CEP85: variants seen among roughly 807,000 people sequenced by gnomAD.
CEP85 encodes the protein centrosomal protein of 85 kDa.
A neutral mutation model predicts 93.7 loss-of-function variants in CEP85; 58 were observed. That is an observed-to-expected ratio of 0.62 (90% CI 0.50 to 0.77). The LOEUF (loss-of-function observed/expected upper bound fraction) is 0.77, where lower values mean the gene tolerates loss of function less well. CEP85 is among the 30% of genes least tolerant of loss of function. The pLI, the probability that CEP85 is intolerant of heterozygous loss-of-function variation, is 0.00. For missense variants in CEP85, 868 were observed against 922.0 expected (o/e 0.94, Z 0.76); for synonymous variants, 314 against 338.6 (o/e 0.93, Z 0.80).
intron 3 of CEP85, among the ~76,000 whole-genome samples, chr1:26,251,969 A>T (rs553648679): frequency 6.6e-6 from 1 of 152,310 alleles, no homozygotes; most frequent in South Asian, 2.1e-4. Context: ...ACGGTGGCTC[A>T]TCCCTGTAAT....
At position 26,261,900 on chromosome 1, in the gene CEP85, G is replaced by A. The variant is rs2089815868; in HGVS notation, c.1341+2098G>A. Among the ~76,000 whole-genome samples the A allele has an allele frequency of 2.6e-5, 4 of 152,164 alleles. No homozygotes were observed. The South Asian group carries it at 8.3e-4, about 32-fold the overall frequency. On this transcript the variant is annotated intron_variant, in intron 7 of 13. Transcript: ENST00000451429. ...GTTTTGCTTTTACTGGCCAGGCATG[G>A]TGGCTCACACCTGTAATCCCAGCAT...
intron 4 of CEP85, 66 bp from the exon 5 acceptor site, chr1:26,257,531 C>T: frequency 6.3e-7 from 1 of 1,584,906 alleles, no homozygotes; most frequent in South Asian, 1.1e-5. Context: ...CAGCTGATTA[C>T]TGCTCAGGTG....
intron 8 of CEP85, among the ~76,000 whole-genome samples, chr1:26,268,962 T>G (rs2089932531): frequency 6.6e-6 from 1 of 152,172 alleles, no homozygotes; most frequent in South Asian, 2.1e-4. Flanking sequence ...GTAAACAACC[T>G]TTTCCACCAG....
intron 3 of CEP85, among the ~76,000 whole-genome samples, chr1:26,248,498 ACTT>A (rs778070962): frequency 4.6e-4 from 70 of 151,790 alleles, no homozygotes; most frequent in African/African-American, 1.2e-3. Context: ...AGTTTTTTTT[ACTT>A]CTTCTTATTT....
chr1:26,261,726 T>TA (rs1193986508), intron 7 of CEP85, among the ~76,000 whole-genome samples: 101 of 59,822 alleles, frequency 1.7e-3, no homozygotes, highest in African/African-American at 3.2e-3. Context: ...GAGACTCTCT[T>TA]AAAAAAAAAA....
intron 7 of CEP85, among the ~76,000 whole-genome samples, chr1:26,262,639 T>G (rs2089829704): frequency 6.6e-6 from 1 of 152,168 alleles, no homozygotes; most frequent in Non-Finnish European, 1.5e-5. Context: ...AGTGAGCAGT[T>G]CCCTACTTCT....
intron 7 of CEP85, among the ~76,000 whole-genome samples, chr1:26,264,549 A>G (rs906259259): frequency 6.6e-6 from 1 of 152,208 alleles, no homozygotes; most frequent in Non-Finnish European, 1.5e-5. Context: ...TAAAATAAAA[A>G]GGAAGCATTT....
At chr1:26,239,868 T>C (rs2089394667) in intron 2 of CEP85, 30 bp downstream of exon 2, 4 of 1,548,830 alleles carry the variant, frequency 2.6e-6, no homozygotes. Context: ...CTGGGTTAAA[T>C]TCTGACCTTT....
intron 3 of CEP85, among the ~76,000 whole-genome samples, chr1:26,250,925 CTTTTTTCTTTTTTTT>C (rs1480425867): frequency 2.0e-4 from 11 of 55,134 alleles, no homozygotes; most frequent in South Asian, 1.6e-3. Context: ...TTTTTTTTTT[CTTTTTTCTTTTTTTT>C]TTTTTTTTTT....
At chr1:26,266,382 G>A (rs1400555351) in intron 7 of CEP85, among the ~76,000 whole-genome samples, 1 of 152,078 alleles carries the variant, frequency 6.6e-6, no homozygotes, top group Non-Finnish European at 1.5e-5. Flanking sequence ...GCAAGACCCT[G>A]TCTCAAAAAA....
intron 3 of CEP85, among the ~76,000 whole-genome samples, chr1:26,247,196 C>T (rs1327562522): frequency 1.3e-5 from 2 of 152,084 alleles, no homozygotes; most frequent in African/African-American, 4.8e-5. Context: ...TTTTCTAGGG[C>T]TTCGGAAGCT....
intron 7 of CEP85, among the ~76,000 whole-genome samples, chr1:26,267,284 C>T (rs1198786836): frequency 6.6e-6 from 1 of 152,178 alleles, no homozygotes; most frequent in Non-Finnish European, 1.5e-5. Flanking sequence ...CAATTCAGGG[C>T]TGGGTGCAGT....
rs969515123 is a variant in CEP85, at chr1:26,259,624, A to G, written c.1163A>G (p.Gln388Arg). Reference protein sequence around the residue: ...DVCLLRLQELQRENTFLRAQF... With the variant: ...DVCLLRLQELRRENTFLRAQF... ...TGAGAATCTTTCTGGCAGGAATTGC[A>G]GCGAGAAAACACTTTCTTACGTGCA... is the stretch of plus-strand genomic sequence containing the variant. Residue 388 changes from glutamine to arginine, a missense_variant, in exon 7 of 14, where the codon CAG becomes CGG. By Grantham distance (43) the Gln-to-Arg change is conservative. Transcript: ENST00000451429. The G allele has an allele frequency of 6.2e-7, 1 of 1,606,646 alleles. No homozygotes were observed. The highest frequency in any genetic ancestry group is 8.5e-7 in the Non-Finnish European group (1 of 1,176,506).
chr1:26,257,689 T>C lies in CEP85; in HGVS notation c.996T>C (p.Ser332=). The change falls in exon 5 of 14, where the codon AGT becomes AGC. Residue 332 remains serine (S), a synonymous_variant. Transcript: ENST00000451429. The part of the protein sequence containing the change: ...EPAQWISILN[S]NEHLLKEKEL... ...CACAGTGGATCAGCATCTTGAACAG[T>C]AATGAACACCTTCTGAAGGAAAAAG... 1.9e-6 allele frequency: 3 copies of C among 1,614,178 alleles called. No homozygotes were observed. The highest frequency in any genetic ancestry group is 2.5e-6 in the Non-Finnish European group (3 of 1,180,024).
At chr1:26,246,595 G>C (rs889479649) in intron 3 of CEP85, among the ~76,000 whole-genome samples, 1 of 151,982 alleles carries the variant, frequency 6.6e-6, no homozygotes, top group Non-Finnish European at 1.5e-5. Flanking sequence ...TTAGCTGGGC[G>C]TGGTGATGTA....
At chr1:26,265,174 G>A (rs561601212) in intron 7 of CEP85, among the ~76,000 whole-genome samples, 1 of 152,028 alleles carries the variant, frequency 6.6e-6, no homozygotes, top group African/African-American at 2.4e-5. Context: ...AGTAGAGACA[G>A]GATTTTGCCA....
intron 7 of CEP85, among the ~76,000 whole-genome samples, chr1:26,260,422 CAG>C (rs750046769): frequency 6.6e-6 from 1 of 151,278 alleles, no homozygotes; most frequent in Non-Finnish European, 1.5e-5. Context: ...ACCCGGGAGA[CAG>C]AGGTTGCAGT....
intron 3 of CEP85, among the ~76,000 whole-genome samples, chr1:26,248,483 C>T (rs998692476): frequency 6.6e-6 from 1 of 151,912 alleles, no homozygotes; most frequent in African/African-American, 2.4e-5. Context: ...AGATATTGGT[C>T]TAGAAGTTTT....
Position 26,248,722 on chromosome 1 carries a change from C to CTTTTTTTTTTTTTTTTTTT in CEP85, c.208+4408_208+4426dup, listed in dbSNP as rs573449499. Among the ~76,000 whole-genome samples, 32 of 56,212 alleles carry CTTTTTTTTTTTTTTTTTTT rather than the reference C, an allele frequency of 5.7e-4. 8 individuals are homozygous for CTTTTTTTTTTTTTTTTTTT. The highest frequency in any genetic ancestry group is 6.2e-4 in the Admixed American group (2 of 3,224). 36.9% of individuals were successfully genotyped at this position (56,212 alleles called of 152,430 possible). On this transcript the variant is annotated intron_variant, in intron 3 of 13. Coordinates refer to ENST00000451429, the MANE Select transcript of CEP85 (RefSeq NM_001319944.2). ...TGTTGGCCAGTCTGGGTCTTGAACT[C>CTTTTTTTTTTTTTTTTTTT]TTTTTTTTTTTTTTTTTTTTTTGAG...
Sources: allele counts gnomAD v4.1 joint callset (sites outside exome capture counted in the v4.1 genomes callset), GRCh38; gene constraint gnomAD v4.1.1; transcripts MANE v1.5; gene names NCBI Gene and HGNC (gene_info 2026-07-23, HGNC 2026-07-21).